The following AUTS2 variants were observed in gnomAD, a reference collection of about 807,000 sequenced individuals.
AUTS2 encodes the protein activator of transcription and developmental regulator AUTS2.
AUTS2 carries 17 observed loss-of-function variants against 112.4 expected under a neutral mutation model. That is an observed-to-expected ratio of 0.15 (90% confidence interval 0.10 to 0.23). The LOEUF (loss-of-function observed/expected upper bound fraction) is 0.23. Among genes scored for constraint, AUTS2 ranks in the 10% least tolerant of loss-of-function variants. The probability of loss-of-function intolerance (pLI) is 1.00; values close to 1 mark genes in which losing one functional copy is unlikely to be tolerated. For synonymous variants in AUTS2, 751 were observed against 702.7 expected (o/e 1.07, Z -1.09); for missense variants, 1,510 against 1,701.6 (o/e 0.89, Z 1.98).
chr7:69,650,303 A>G (rs1254212066), intron 1 of AUTS2, among the ~76,000 whole-genome samples: 3 of 152,184 alleles, frequency 2.0e-5, no homozygotes, highest in African/African-American at 7.2e-5. Flanking sequence ...TCTATCAATA[A>G]GAAATAATAA....
In AUTS2 at chr7:69,599,408, A is replaced by G. The variant is rs1792243763; in HGVS notation, c.-246A>G. 5.4e-6 allele frequency: 2 copies of G among 367,016 alleles called. No individual in the cohort carries two copies. The highest frequency in any genetic ancestry group is 9.6e-6 in the Non-Finnish European group (2 of 208,624). The allele number at this position is 367,016 out of a possible 1,614,324, so 22.7% of individuals were successfully genotyped here. A position where few individuals can be genotyped will look rare whatever the true frequency, so the allele number is the denominator to read the frequency against. Reference sequence around the variant, plus strand: ...CCCTCGGTGCTGTGGGGAGCCCCACACTTGGGCTCCTCGCCTCTCGCCCTC... The same window carrying G: ...CCCTCGGTGCTGTGGGGAGCCCCACGCTTGGGCTCCTCGCCTCTCGCCCTC... On this transcript the variant is annotated 5_prime_UTR_variant, in exon 1 of 19. Coordinates refer to ENST00000342771, the MANE Select transcript of AUTS2 (RefSeq NM_015570.4). The surrounding 1 kb of genome is among the most constrained non-coding windows in gnomAD (Gnocchi z 7.0).
intron 2 of AUTS2, among the ~76,000 whole-genome samples, chr7:69,962,289 C>T (rs559052596): frequency 1.1e-4 from 17 of 152,268 alleles, no homozygotes; most frequent in African/African-American, 3.4e-4. Flanking sequence ...GCAGTGGGCC[C>T]TGGCTTCTTT....
At chr7:70,012,750 G>A (rs1428114784) in intron 2 of AUTS2, among the ~76,000 whole-genome samples, 2 of 152,136 alleles carry the variant, frequency 1.3e-5, no homozygotes, top group Non-Finnish European at 2.9e-5. Flanking sequence ...CATCTTGCCC[G>A]GGCACTTCAG....
chr7:70,262,673 G>A (rs1293726427), intron 4 of AUTS2, among the ~76,000 whole-genome samples: 2 of 152,078 alleles, frequency 1.3e-5, no homozygotes, highest in Non-Finnish European at 2.9e-5. Flanking sequence ...TGAAATCTCC[G>A]GATTTAGGTC....
In AUTS2 at chr7:70,735,378, C is replaced by T. The variant is rs529341860; in HGVS notation, c.743-27492C>T. ...TTCCTGTATTTCCTTTTTGAAGTTA[C>T]AACAGTCATTCAGGAGCACGTCCAG... On this transcript the variant is annotated intron_variant, in intron 6 of 18. Transcript: ENST00000342771. Among the ~76,000 whole-genome samples, 80 of 152,270 alleles carry T rather than the reference C, an allele frequency of 5.3e-4. 1 individual carries two copies. Among genetic ancestry groups the T allele is most frequent in the Admixed American group, 1.5e-3 (23 of 15,288 alleles).
At chr7:70,768,877 C>CTCTTTTTT (rs1790116149) in intron 10 of AUTS2, among the ~76,000 whole-genome samples, 1 of 108,216 alleles carries the variant, frequency 9.2e-6, no homozygotes, top group African/African-American at 3.5e-5. Flanking sequence ...CCAGTGATTT[C>CTCTTTTTT]TTTTTTTTTT....
intron 4 of AUTS2, among the ~76,000 whole-genome samples, chr7:70,402,473 T>C (rs6460544): frequency 0.24 from 36,826 of 152,132 alleles, 4,878 homozygotes; most frequent in African/African-American, 0.35. Context: ...CTTAGAAGTA[T>C]CCTGGAAGCT....
chr7:69,696,824 A>G (rs1562818099), intron 1 of AUTS2, among the ~76,000 whole-genome samples: 1 of 152,168 alleles, frequency 6.6e-6, no homozygotes, highest in Non-Finnish European at 1.5e-5. Flanking sequence ...TAAAATATGT[A>G]TGTCTTTGCT....
rs1444153177 is a variant in AUTS2, at chr7:70,295,649, TC to T, written c.661-140100del. On this transcript the variant is annotated intron_variant, in intron 4 of 18. Transcript: ENST00000342771. ...TATTGAGTTACTCCAACTCAACTGC[TC>T]CCACCTCAGGGTCTTTCACTACCCA... is the stretch of plus-strand genomic sequence containing the variant. Among the ~76,000 whole-genome samples the T allele has an allele frequency of 3.3e-5, 5 of 152,268 alleles. No homozygotes were observed. The East Asian group carries it at 9.7e-4, about 29-fold the overall frequency.
At chr7:70,616,710 TC>T in intron 5 of AUTS2, among the ~76,000 whole-genome samples, 1 of 151,078 alleles carries the variant, frequency 6.6e-6, no homozygotes, top group South Asian at 2.1e-4. Flanking sequence ...CCAATGTGCT[TC>T]CCAAACCCAA....
intron 4 of AUTS2, among the ~76,000 whole-genome samples, chr7:70,186,452 T>C (rs555148394): frequency 3.0e-4 from 46 of 152,312 alleles, no homozygotes; most frequent in African/African-American, 9.9e-4. Context: ...TTTGGCTTTT[T>C]TTAATGTTTG....
chr7:69,835,318 A>G (rs2129527953), intron 1 of AUTS2, among the ~76,000 whole-genome samples: 1 of 152,232 alleles, frequency 6.6e-6, no homozygotes, highest in South Asian at 2.1e-4. Context: ...AGATAGAGAG[A>G]TGGCAAAATC....
intron 4 of AUTS2, among the ~76,000 whole-genome samples, chr7:70,337,238 C>A (rs560827496): frequency 3.3e-5 from 5 of 152,150 alleles, no homozygotes; most frequent in Non-Finnish European, 7.3e-5. Flanking sequence ...ACATTTTCCC[C>A]CATTTTGTAA....
At chr7:70,425,233 T>G (rs1795384436) in intron 4 of AUTS2, among the ~76,000 whole-genome samples, 1 of 152,222 alleles carries the variant, frequency 6.6e-6, no homozygotes, top group Admixed American at 6.5e-5. Flanking sequence ...CCAAGCACTT[T>G]AAGAAAGATG....
At chr7:70,396,244 A>G (rs978144377) in intron 4 of AUTS2, among the ~76,000 whole-genome samples, 26 of 152,156 alleles carry the variant, frequency 1.7e-4, no homozygotes, top group African/African-American at 5.1e-4. Context: ...ACATATACAA[A>G]AAAACAACTG....
At chr7:69,612,287 A>G (rs1386105770) in intron 1 of AUTS2, among the ~76,000 whole-genome samples, 1 of 151,962 alleles carries the variant, frequency 6.6e-6, no homozygotes, top group Non-Finnish European at 1.5e-5. Flanking sequence ...TGAAGTGTTG[A>G]CTGTGACACT....
chr7:70,489,508 G>A (rs537595241), intron 5 of AUTS2, among the ~76,000 whole-genome samples: 7 of 152,324 alleles, frequency 4.6e-5, no homozygotes, highest in East Asian at 1.9e-4. Flanking sequence ...GGACAAAGCC[G>A]TAGAGAGACG....
intron 2 of AUTS2, among the ~76,000 whole-genome samples, chr7:70,080,706 T>C (rs1803260744): frequency 6.6e-6 from 1 of 152,164 alleles, no homozygotes; most frequent in South Asian, 2.1e-4. Flanking sequence ...TGTCTTAAGG[T>C]AGTGATGATC....
At chr7:70,372,116 G>A (rs1205036541) in intron 4 of AUTS2, among the ~76,000 whole-genome samples, 3 of 152,142 alleles carry the variant, frequency 2.0e-5, no homozygotes, top group Non-Finnish European at 4.4e-5. Flanking sequence ...TCTTTAGAGG[G>A]GTCCTATGTC....
Sources: gnomAD v4.1 joint callset for allele counts (sites outside exome capture counted in the v4.1 genomes callset) on GRCh38, gnomAD v4.1.1 for gene constraint, Gnocchi (gnomAD v3.1) non-coding constraint, MANE v1.5 for transcripts, NCBI Gene and HGNC (gene_info 2026-07-23, HGNC 2026-07-21) for gene names.